Variants in INPP4A observed in about 807,000 individuals in gnomAD.
INPP4A encodes the protein inositol polyphosphate-4-phosphatase type I A.
INPP4A carries 33 observed loss-of-function variants against 119.8 expected under a neutral mutation model. That is an observed-to-expected ratio of 0.28 (90% CI 0.21 to 0.37). INPP4A has a LOEUF of 0.37. INPP4A is among the 10% of genes least tolerant of loss of function. The pLI, the probability that INPP4A is intolerant of heterozygous loss-of-function variation, is 1.00. For synonymous variants in INPP4A, 496 were observed against 500.7 expected (o/e 0.99, Z 0.12); for missense variants, 956 against 1,289.9 (o/e 0.74, Z 3.97).
chr2:98,547,736 A>G (rs1381850757), intron 13 of INPP4A, among the ~76,000 whole-genome samples: 1 of 152,018 alleles, frequency 6.6e-6, no homozygotes, highest in Non-Finnish European at 1.5e-5. Context: ...TTCTCACAGG[A>G]TGGAAAGAGG....
intron 1 of INPP4A, among the ~76,000 whole-genome samples, chr2:98,461,588 T>C (rs1205939301): frequency 1.3e-5 from 2 of 152,276 alleles, no homozygotes; most frequent in African/African-American, 2.4e-5. Flanking sequence ...TTGTAAAATA[T>C]AGCAGGATAT....
chr2:98,485,086 C>T (rs543068627), intron 1 of INPP4A, among the ~76,000 whole-genome samples: 12 of 152,090 alleles, frequency 7.9e-5, no homozygotes, highest in East Asian at 7.7e-4. Context: ...ACTCCAGCTC[C>T]GCACATCTGC....
intron 1 of INPP4A, among the ~76,000 whole-genome samples, chr2:98,489,545 G>C (rs945559848): frequency 6.6e-6 from 1 of 152,102 alleles, no homozygotes; most frequent in East Asian, 1.9e-4. Context: ...TTTACACACC[G>C]TCTGTCGATA....
intron 10 of INPP4A, among the ~76,000 whole-genome samples, chr2:98,542,591 G>C (rs746616188): frequency 6.6e-6 from 1 of 152,110 alleles, no homozygotes; most frequent in African/African-American, 2.4e-5. Context: ...ATTAGCTACC[G>C]ATTTTCTATG....
intron 4 of INPP4A, among the ~76,000 whole-genome samples, chr2:98,523,519 C>T (rs56141907): frequency 0.24 from 36,926 of 151,666 alleles, 4,642 homozygotes; most frequent in Middle Eastern, 0.35. Flanking sequence ...CTCAGCCTCC[C>T]GAGTAGTTGG....
At chr2:98,494,939 C>G (rs192529401) in intron 1 of INPP4A, among the ~76,000 whole-genome samples, 1 of 152,288 alleles carries the variant, frequency 6.6e-6, no homozygotes, top group East Asian at 1.9e-4. Flanking sequence ...ACAGACAGCC[C>G]TGATAAAATG....
intron 1 of INPP4A, among the ~76,000 whole-genome samples, chr2:98,512,328 A>T (rs1685270185): frequency 6.6e-6 from 1 of 152,186 alleles, no homozygotes; most frequent in Non-Finnish European, 1.5e-5. Flanking sequence ...AAGTGGGTGG[A>T]TTCCTGAGGC....
chr2:98,474,146 C>T (rs778166291), intron 1 of INPP4A, among the ~76,000 whole-genome samples: 20 of 152,116 alleles, frequency 1.3e-4, no homozygotes, highest in Non-Finnish European at 1.6e-4. Flanking sequence ...GTTGTGAAGT[C>T]ACTTTTGGTT....
rs1273372095 is a variant in INPP4A, at chr2:98,590,464, T to C, written c.*2856T>C. The C allele has an allele frequency of 1.1e-5, 2 of 189,970 alleles. No homozygotes were observed. The highest frequency in any genetic ancestry group is 4.7e-5 in the African/African-American group (2 of 42,900). 11.8% of individuals were successfully genotyped at this position (189,970 alleles called of 1,614,324 possible). On this transcript the variant is annotated 3_prime_UTR_variant, in exon 25 of 25. Coordinates refer to ENST00000409851, the MANE Select transcript of INPP4A (RefSeq NM_001134225.2). ...ACCTCTCCAAGCCTCCGTTTCCTCA[T>C]GTGCAAAGTGTGGACAACAACAGTA...
In INPP4A at chr2:98,564,640, C is replaced by T. The variant is rs1696105047; in HGVS notation, c.2029C>T (p.Leu677=). 6.2e-7 allele frequency: 1 copy of T among 1,613,284 alleles called. No individual in the cohort carries two copies. Among genetic ancestry groups the T allele is most frequent in the African/African-American group, 1.3e-5 (1 of 75,056 alleles). ...ACCTCTTCACCCCACGCTCCCACAG[C>T]TGACCGCCCTCATCTGCGGCTTCAT... ...YRRDVVFCQT[L]TALICGFIIK... The change falls in exon 19 of 25, where the codon CTG becomes TTG. Residue 677 remains leucine (L), a splice_region_variant and synonymous_variant. Transcript: ENST00000409851.
intron 24 of INPP4A, among the ~76,000 whole-genome samples, chr2:98,583,943 C>T (rs1484865232): frequency 1.3e-5 from 2 of 152,240 alleles, no homozygotes; most frequent in East Asian, 1.9e-4. Context: ...CTGGGGCAGG[C>T]ATCACCTGTG....
chr2:98,463,796 G>A (rs192577782), intron 1 of INPP4A, among the ~76,000 whole-genome samples: 3 of 152,338 alleles, frequency 2.0e-5, no homozygotes, highest in Admixed American at 2.0e-4. Flanking sequence ...TCAAGTGAAG[G>A]TCTGGTAGGT....
intron 23 of INPP4A, 75 bp from the exon 24 acceptor site, chr2:98,576,914 C>A (rs1698511053): frequency 1.3e-6 from 2 of 1,527,448 alleles, no homozygotes; most frequent in Non-Finnish European, 1.8e-6. Context: ...TGGTTGGGAG[C>A]CTTTCCTGTG....
intron 1 of INPP4A, among the ~76,000 whole-genome samples, chr2:98,505,314 G>A (rs2105441343): frequency 6.6e-6 from 1 of 152,346 alleles, no homozygotes; most frequent in South Asian, 2.1e-4. Context: ...TACTGGGCGA[G>A]CCTTTGGGAC....
intron 4 of INPP4A, chr2:98,520,944 C>G (rs1574889200): frequency 2.1e-6 from 1 of 483,240 alleles, no homozygotes; most frequent in South Asian, 2.8e-5. Context: ...GCTCCTGTCT[C>G]CTCAGCATGG....
At chr2:98,561,838 C>T (rs1221813708) in intron 17 of INPP4A, among the ~76,000 whole-genome samples, 3 of 152,234 alleles carry the variant, frequency 2.0e-5, no homozygotes, top group Admixed American at 2.0e-4. Flanking sequence ...GCCTGCCTTT[C>T]CCCAAACCGT....
intron 1 of INPP4A, among the ~76,000 whole-genome samples, chr2:98,501,546 T>C (rs796730945): frequency 1.3e-5 from 2 of 152,222 alleles, no homozygotes; most frequent in African/African-American, 2.4e-5. Flanking sequence ...AGCCCCCCAT[T>C]CTCTGAACCT....
At position 98,519,950 on chromosome 2, in the gene INPP4A, A is replaced by G. The variant is rs77978614; in HGVS notation, c.-99A>G. ...TACAAGTGCTCCTTTTCTCAGGGCT[A>G]CTGCCACTTTAGTGGACTAGGGCTC... On this transcript the variant is annotated 5_prime_UTR_variant, in exon 3 of 25. Transcript: ENST00000409851. 4.6e-6 allele frequency: 4 copies of G among 861,052 alleles called. No individual in the cohort carries two copies. Among genetic ancestry groups the G allele is most frequent in the African/African-American group, 1.7e-5 (1 of 59,816 alleles). The allele number at this position is 861,052 out of a possible 1,614,324, so 53.3% of individuals were successfully genotyped here. A position where few individuals can be genotyped will look rare whatever the true frequency, so the allele number is the denominator to read the frequency against.
At chr2:98,500,037 A>G (rs1003493072) in intron 1 of INPP4A, among the ~76,000 whole-genome samples, 1 of 152,128 alleles carries the variant, frequency 6.6e-6, no homozygotes, top group African/African-American at 2.4e-5. Context: ...AGTGGTCACA[A>G]CCTCAGGCCG....
Sources: allele counts gnomAD v4.1 joint callset (sites outside exome capture counted in the v4.1 genomes callset), GRCh38; gene constraint gnomAD v4.1.1; transcripts MANE v1.5; gene names NCBI Gene and HGNC (gene_info 2026-07-23, HGNC 2026-07-21).